Variants in PRDM5 observed in about 807,000 individuals in gnomAD.
PRDM5 encodes the protein PR/SET domain 5, also known as PR domain zinc finger protein 5.
Under a neutral mutation model 81.2 loss-of-function variants are expected in PRDM5, and 56 were observed. That is an observed-to-expected ratio of 0.69 (90% CI 0.56 to 0.86). PRDM5 has a LOEUF of 0.86. Among genes scored for constraint, PRDM5 ranks in the 40% least tolerant of loss-of-function variants. The pLI is 0.00. For synonymous variants in PRDM5, 267 were observed against 256.4 expected, an observed-to-expected ratio of 1.04 and a Z score of -0.39; for missense variants, 697 against 770.1, an observed-to-expected ratio of 0.91 and a Z score of 1.12.
intron 13 of PRDM5, among the ~76,000 whole-genome samples, chr4:120,757,282 T>C (rs934697271): frequency 3.9e-5 from 6 of 152,238 alleles, no homozygotes; most frequent in Non-Finnish European, 8.8e-5. Flanking sequence ...GGAATGTGAT[T>C]GTCCTGAGTT....
At chr4:120,893,713 G>A (rs1054993234) in intron 2 of PRDM5, among the ~76,000 whole-genome samples, 2 of 152,024 alleles carry the variant, frequency 1.3e-5, no homozygotes, top group African/African-American at 2.4e-5. Context: ...TTATTCATTC[G>A]CCTATTTCTA....
chr4:120,698,024 G>A (rs1408278147), intron 15 of PRDM5, among the ~76,000 whole-genome samples: 1 of 151,706 alleles, frequency 6.6e-6, no homozygotes, highest in Non-Finnish European at 1.5e-5. Flanking sequence ...TTGGAAAATT[G>A]GGAATCATTT....
chr4:120,917,818 T>C (rs1315887163), intron 1 of PRDM5, among the ~76,000 whole-genome samples: 1 of 152,196 alleles, frequency 6.6e-6, no homozygotes, highest in Non-Finnish European at 1.5e-5. Context: ...TGTGCATGTG[T>C]TTGTATATTT....
intron 4 of PRDM5, among the ~76,000 whole-genome samples, chr4:120,819,965 C>T (rs1450682462): frequency 6.6e-6 from 1 of 152,134 alleles, no homozygotes; most frequent in African/African-American, 2.4e-5. Context: ...AGAAAAAGTA[C>T]AGGAAAAGCA....
intron 15 of PRDM5, among the ~76,000 whole-genome samples, chr4:120,697,070 A>C (rs895728515): frequency 1.3e-5 from 2 of 152,184 alleles, no homozygotes; most frequent in African/African-American, 4.8e-5. Flanking sequence ...AAAGTATATA[A>C]ATTATAATAA....
At chr4:120,906,420 T>C (rs1306832963) in intron 2 of PRDM5, among the ~76,000 whole-genome samples, 2 of 152,214 alleles carry the variant, frequency 1.3e-5, no homozygotes, top group African/African-American at 2.4e-5. Context: ...CATCTAGGCT[T>C]GTACAAATAT....
chr4:120,779,081 T>G (rs1405817669), intron 12 of PRDM5, among the ~76,000 whole-genome samples: 1 of 152,290 alleles, frequency 6.6e-6, no homozygotes, highest in East Asian at 1.9e-4. Flanking sequence ...GCTATGTATT[T>G]CATTGTTCAT....
intron 13 of PRDM5, among the ~76,000 whole-genome samples, chr4:120,767,682 C>T (rs1394499946): frequency 1.3e-5 from 2 of 152,084 alleles, no homozygotes; most frequent in East Asian, 1.9e-4. Context: ...TGTTACTGCC[C>T]ACTATAAAGC....
In PRDM5 at chr4:120,693,258, A is replaced by G. The variant is rs1328840394; in HGVS notation, c.*1853T>C. The G allele has an allele frequency of 6.6e-6, 1 of 152,152 alleles. No individual in the cohort carries two copies. The highest frequency in any genetic ancestry group is 1.5e-5 in the Non-Finnish European group (1 of 68,016). The allele number at this position is 152,152 out of a possible 1,614,324, so 9.4% of individuals were successfully genotyped here. ...TTTACATTCATCACATAATCGGGAT[A>G]TAAAGCATCCCATATAGAGAAAGCA... On this transcript the variant is annotated 3_prime_UTR_variant, in exon 16 of 16. Transcript: ENST00000264808.
intron 3 of PRDM5, among the ~76,000 whole-genome samples, chr4:120,844,542 G>T (rs1451611835): frequency 1.3e-5 from 2 of 152,076 alleles, no homozygotes; most frequent in African/African-American, 2.4e-5. Context: ...TGTTTAGGGG[G>T]CCACCATAAA....
chr4:120,800,458 A>G (rs1456373687), intron 8 of PRDM5, among the ~76,000 whole-genome samples: 18 of 151,334 alleles, frequency 1.2e-4, no homozygotes, highest in Admixed American at 1.2e-3. Context: ...TCGAGGCTTC[A>G]GTGAGCTGTG....
intron 14 of PRDM5, among the ~76,000 whole-genome samples, chr4:120,721,753 G>A (rs1450166677): frequency 6.6e-5 from 10 of 152,234 alleles, no homozygotes; most frequent in Admixed American, 4.6e-4. Context: ...TAAAGGATAG[G>A]TCGAGGTAAA....
At chr4:120,883,765 G>C (rs1233893459) in intron 2 of PRDM5, among the ~76,000 whole-genome samples, 1 of 152,116 alleles carries the variant, frequency 6.6e-6, no homozygotes, top group East Asian at 1.9e-4. Context: ...TTTAATATAA[G>C]GACTTAATGT....
chr4:120,704,797 C>T (rs4833669), intron 15 of PRDM5, among the ~76,000 whole-genome samples: 1 of 151,740 alleles, frequency 6.6e-6, no homozygotes, highest in Admixed American at 6.6e-5. Context: ...AAGGATGCAT[C>T]GCGGTTTATC....
rs189446204 is a variant in PRDM5, at chr4:120,831,078, T to C, written c.301-9733A>G. Among the ~76,000 whole-genome samples the C allele has an allele frequency of 3.1e-3, 472 of 152,138 alleles. 6 individuals are homozygous for C. The highest frequency in any genetic ancestry group is 4.9e-3 in the Non-Finnish European group (330 of 67,946). The stretch of plus-strand genomic sequence containing the variant: ...AAGCAGTGGCTTTTGAAAAAAAATA[T>C]ATATACTTCACTTTTTTATTTAAAA... On this transcript the variant is annotated intron_variant, in intron 3 of 15. Transcript: ENST00000264808.
chr4:120,872,153 A>AAAAAAAAAAAAAAAAAAAC, intron 2 of PRDM5, among the ~76,000 whole-genome samples: 1 of 111,838 alleles, frequency 8.9e-6, no homozygotes, highest in Non-Finnish European at 2.2e-5. Context: ...TCCATCTCAA[A>AAAAAAAAAAAAAAAAAAAC]AAAAAAAAAA....
chr4:120,758,718 C>G (rs557814093), intron 13 of PRDM5, among the ~76,000 whole-genome samples: 2 of 152,004 alleles, frequency 1.3e-5, no homozygotes, highest in Non-Finnish European at 2.9e-5. Context: ...GTTTGCGACA[C>G]CTTGTTACAA....
At chr4:120,718,836 C>T (rs1375165731) in intron 14 of PRDM5, among the ~76,000 whole-genome samples, 1 of 152,174 alleles carries the variant, frequency 6.6e-6, no homozygotes, top group African/African-American at 2.4e-5. Flanking sequence ...GCATAGATGA[C>T]ACTGACTTGT....
rs771551914 is a variant in PRDM5, at chr4:120,787,529, C to T, written c.1189-2438G>A. On this transcript the variant is annotated intron_variant, in intron 10 of 15. Transcript: ENST00000264808. ...ACAAAGTGGAGAAGCAACAGCAATG[C>T]AGCAGGAGAGAGATAATTAGAGCTT... is the stretch of plus-strand genomic sequence containing the variant. Among the ~76,000 whole-genome samples the T allele has an allele frequency of 6.6e-5, 10 of 152,262 alleles. No homozygotes were observed. The South Asian group carries it at 1.7e-3, about 25-fold the overall frequency.
Sources: allele counts gnomAD v4.1 joint callset (sites outside exome capture counted in the v4.1 genomes callset), GRCh38; gene constraint gnomAD v4.1.1; transcripts MANE v1.5; gene names NCBI Gene and HGNC (gene_info 2026-07-23, HGNC 2026-07-21).